The following SEC24C variants were observed in gnomAD, a reference collection of about 807,000 sequenced individuals.
The protein encoded by SEC24C is SEC24 homolog C, COPII component.
A neutral mutation model predicts 117.0 loss-of-function variants in SEC24C; 22 were observed. The ratio of observed to expected loss-of-function variants is 0.19; its 90% CI spans 0.13 to 0.27. The LOEUF (loss-of-function observed/expected upper bound fraction) is 0.27, where lower values mean the gene tolerates loss of function less well. Among genes scored for constraint, SEC24C ranks in the 10% least tolerant of loss-of-function variants. SEC24C has a pLI of 1.00. For synonymous variants in SEC24C, 506 were observed against 529.4 expected, an observed-to-expected ratio of 0.96 and a Z score of 0.61; for missense variants, 1,155 against 1,375.1, an observed-to-expected ratio of 0.84 and a Z score of 2.53.
chr10:73,755,862 T>G (rs186493202), intron 3 of SEC24C, among the ~76,000 whole-genome samples: 26 of 151,916 alleles, frequency 1.7e-4, no homozygotes, highest in Non-Finnish European at 3.4e-4. Flanking sequence ...AATCTTTTTT[T>G]TTTTTTAAAT....
In SEC24C at chr10:73,769,084, G is replaced by A; in HGVS notation, c.2356G>A (p.Asp786Asn). ...TDVELAGLDG[D>N]KTVTVEFKHD... ...TGTGGAGCTGGCTGGGCTAGATGGG[G>A]ACAAAACAGTGACTGTGGAGTTCAA... Residue 786 changes from aspartate (D) to asparagine (N), a missense_variant, in exon 17 of 23, where the codon GAC becomes AAC. Asp to Asn is a conservative substitution (Grantham distance 23). Around this residue, in one of 2 missense-constraint regions of SEC24C, gnomAD observed 759 missense variants for 992.3 expected, o/e 0.76. Coordinates refer to ENST00000345254, the MANE Select transcript of SEC24C (RefSeq NM_198597.3). The surrounding 1 kb of genome is among the most constrained non-coding windows in gnomAD (Gnocchi z 4.5). 6.2e-7 allele frequency: 1 copy of A among 1,614,218 alleles called. No homozygotes were observed. The highest frequency in any genetic ancestry group is 8.5e-7 in the Non-Finnish European group (1 of 1,180,032).
At chr10:73,746,416 G>C (rs2082554488) in intron 1 of SEC24C, among the ~76,000 whole-genome samples, 1 of 152,214 alleles carries the variant, frequency 6.6e-6, no homozygotes, top group Admixed American at 6.5e-5. Flanking sequence ...GGATGCTAGA[G>C]TGAATGAATG....
At chr10:73,770,863 G>T (rs2082969263) in intron 22 of SEC24C, 65 bp downstream of exon 22, 2 of 1,612,648 alleles carry the variant, frequency 1.2e-6, no homozygotes, top group African/African-American at 2.7e-5. Flanking sequence ...TGGGGGTTGG[G>T]TGGGGAATGA....
In SEC24C at chr10:73,766,868, T is replaced by C. The variant is rs764906282; in HGVS notation, c.1893+15T>C. 1 of 1,605,138 alleles carries C rather than the reference T, an allele frequency of 6.2e-7. No homozygotes were observed. Among genetic ancestry groups the C allele is most frequent in the Non-Finnish European group, 8.5e-7 (1 of 1,171,818 alleles). ...AGGCTCTGAAGGTAAGGCTGGAGTATCGGGCAACCTCCTCTAACTCCATTT... is the reference window on the plus strand; with the variant it reads ...AGGCTCTGAAGGTAAGGCTGGAGTACCGGGCAACCTCCTCTAACTCCATTT... On this transcript the variant is annotated intron_variant, in intron 13 of 22. Coordinates refer to ENST00000345254, the MANE Select transcript of SEC24C (RefSeq NM_198597.3).
rs769821595 is a variant in SEC24C at position 73,766,435 on chromosome 10, T to C, written c.1693T>C (p.Leu565=). Residue 565 remains leucine, a synonymous_variant, in exon 12 of 23, where the codon TTG becomes CTG. Transcript: ENST00000345254. ...CCACTTCTATAATGTGAAGAGCTCATTGGCCCAGCCACAGATGATGGTTGT... is the reference window on the plus strand; with the variant it reads ...CCACTTCTATAATGTGAAGAGCTCACTGGCCCAGCCACAGATGATGGTTGT... ...VLHFYNVKSS[L]AQPQMMVVSD... is the part of the protein sequence containing the mutation. The C allele has an allele frequency of 1.2e-5, 19 of 1,614,104 alleles. No homozygotes were observed. The highest frequency in any genetic ancestry group is 8.8e-5 in the South Asian group (8 of 91,088).
intron 3 of SEC24C, among the ~76,000 whole-genome samples, chr10:73,754,325 G>T (rs1041600352): frequency 2.0e-5 from 3 of 152,124 alleles, no homozygotes; most frequent in Non-Finnish European, 2.9e-5. Flanking sequence ...TGAGGCAGGA[G>T]AATCGCTTGA....
In SEC24C at chr10:73,770,705, C is replaced by G; in HGVS notation, c.3055-4C>G. On this transcript the variant is annotated splice_polypyrimidine_tract_variant and splice_region_variant and intron_variant, in intron 21 of 22. Coordinates refer to ENST00000345254, the MANE Select transcript of SEC24C (RefSeq NM_198597.3). ...CATAAGGATAAATGAATTTTGTGTT[C>G]TAGAGTGTTCTGCCAGTTCTGGATA... is the stretch of plus-strand genomic sequence containing the variant. 2 of 1,613,964 alleles carry G rather than the reference C, an allele frequency of 1.2e-6. No homozygotes were observed. The highest frequency in any genetic ancestry group is 2.2e-5 in the East Asian group (1 of 44,876).
intron 10 of SEC24C, 58 bp from the exon 11 acceptor site, chr10:73,766,027 CT>C (rs2082877285): frequency 6.2e-7 from 1 of 1,601,986 alleles, no homozygotes. Context: ...GCTGACTTCT[CT>C]ATAGTCAACT....
chr10:73,764,882 G>A (rs11593883), intron 8 of SEC24C, among the ~76,000 whole-genome samples: 8 of 152,176 alleles, frequency 5.3e-5, no homozygotes, highest in African/African-American at 9.7e-5. Context: ...CAAAGGCTCA[G>A]TTTATATTCT....
At position 73,770,002 on chromosome 10, in the gene SEC24C, G is replaced by A. The variant is rs575161818; in HGVS notation, c.2849G>A (p.Arg950Gln). The A allele has an allele frequency of 5.6e-6, 9 of 1,614,026 alleles. No individual in the cohort carries two copies. The highest frequency in any genetic ancestry group is 2.2e-5 in the East Asian group (1 of 44,882). ...VTETNVFFYP[R>Q]LLPLTKSPVE... is the part of the protein sequence containing the mutation. Reference sequence around the variant, plus strand: ...GAGACCAATGTCTTCTTCTACCCTCGGCTCTTACCTTTGGTGCGATTGAGG... The same window carrying A: ...GAGACCAATGTCTTCTTCTACCCTCAGCTCTTACCTTTGGTGCGATTGAGG... Residue 950 changes from arginine (R) to glutamine (Q), a missense_variant, in exon 20 of 23, where the codon CGG becomes CAG. Transcript: ENST00000345254.
At position 73,770,029 on chromosome 10, in the gene SEC24C, T is replaced by C. The variant is rs1442848428; in HGVS notation, c.2862+14T>C. On this transcript the variant is annotated intron_variant, in intron 20 of 22. Transcript: ENST00000345254. Reference sequence around the variant, plus strand: ...CTCTTACCTTTGGTGCGATTGAGGGTTGGAGTATGAGATCTTGCACGGAGC... The same window carrying C: ...CTCTTACCTTTGGTGCGATTGAGGGCTGGAGTATGAGATCTTGCACGGAGC... The C allele has an allele frequency of 6.2e-7, 1 of 1,613,186 alleles. No homozygotes were observed. The highest frequency in any genetic ancestry group is 8.5e-7 in the Non-Finnish European group (1 of 1,179,464).
chr10:73,768,068 G>T, intron 15 of SEC24C, 61 bp downstream of exon 15: 1 of 1,489,986 alleles, frequency 6.7e-7, no homozygotes, highest in Non-Finnish European at 9.2e-7. Flanking sequence ...GCTTATATAT[G>T]CAGTGGCTGA....
rs1422381401 is a variant in SEC24C, at chr10:73,766,844, G to A, written c.1884G>A (p.Glu628=). Residue 628 remains glutamate (E), a synonymous_variant, in exon 13 of 23, where the codon GAG becomes GAA. Coordinates refer to ENST00000345254, the MANE Select transcript of SEC24C (RefSeq NM_198597.3). ...TACCAGTTATCCAGGCTGGAATGGA[G>A]GCTCTGAAGGTAAGGCTGGAGTATC... ...VFVPVIQAGM[E]ALKAAECAGK... 3 of 1,613,996 alleles carry A rather than the reference G, an allele frequency of 1.9e-6. No individual in the cohort carries two copies. The South Asian group carries it at 3.3e-5, about 18-fold the overall frequency.
chr10:73,745,426 T>C (rs2082531860), intron 1 of SEC24C, among the ~76,000 whole-genome samples: 1 of 151,822 alleles, frequency 6.6e-6, no homozygotes, highest in Non-Finnish European at 1.5e-5. Context: ...TTTTTTTCCA[T>C]GAAATCTAAC....
chr10:73,766,590 C>T, intron 12 of SEC24C, 49 bp downstream of exon 12: 1 of 1,558,942 alleles, frequency 6.4e-7, no homozygotes, highest in Non-Finnish European at 8.7e-7. Context: ...ATGGGTACCA[C>T]CATAGAAGGT....
rs1430458715 is a variant in SEC24C, at chr10:73,769,182, A to C, written c.2424+30A>C. 1 of 1,611,962 alleles carries C rather than the reference A, an allele frequency of 6.2e-7. No individual in the cohort carries two copies. The highest frequency in any genetic ancestry group is 1.7e-5 in the Admixed American group (1 of 59,566). ...CAGGCGGGAGGCGGGGCTGGGCAGG[A>C]AGTGTTTCATTCGCTTGGTATAGAA... On this transcript the variant is annotated intron_variant, in intron 17 of 22. Coordinates refer to ENST00000345254, the MANE Select transcript of SEC24C (RefSeq NM_198597.3). The surrounding 1 kb of genome is among the most constrained non-coding windows in gnomAD (Gnocchi z 4.5).
chr10:73,761,025 T>C (rs553834833), intron 6 of SEC24C, among the ~76,000 whole-genome samples, 176 bp downstream of exon 6: 92 of 152,282 alleles, frequency 6.0e-4, no homozygotes, highest in Admixed American at 4.8e-3. Context: ...AGGAGTCTTT[T>C]GGGGGGCTGT....
At chr10:73,770,204 A>C (rs1388653760) in intron 20 of SEC24C, 76 bp from the exon 21 acceptor site, 2 of 1,448,366 alleles carry the variant, frequency 1.4e-6, no homozygotes, top group East Asian at 4.6e-5. Flanking sequence ...TAGCTTTCAA[A>C]ATTTTGTGTG....
rs1272769367 is a variant in SEC24C, at chr10:73,763,402, T to A, written c.988-88T>A. The A allele has an allele frequency of 5.9e-6, 5 of 846,126 alleles. No homozygotes were observed. The East Asian group carries it at 1.2e-4, about 21-fold the overall frequency. 52.4% of individuals were successfully genotyped at this position (846,126 alleles called of 1,614,324 possible). A position where few individuals can be genotyped will look rare whatever the true frequency, so the allele number is the denominator to read the frequency against. On this transcript the variant is annotated intron_variant, in intron 6 of 22. Coordinates refer to ENST00000345254, the MANE Select transcript of SEC24C (RefSeq NM_198597.3). ...CTTGGCAAATTTTTAGTTTTTGTGT[T>A]ACAGCTCTAGCCTTTTTCACTCTTG...
Sources: allele counts gnomAD v4.1 joint callset (sites outside exome capture counted in the v4.1 genomes callset), GRCh38; gene constraint gnomAD v4.1.1; regional missense constraint gnomAD v4.1.1; non-coding constraint Gnocchi (gnomAD v3.1); transcripts MANE v1.5; gene names NCBI Gene and HGNC (gene_info 2026-07-23, HGNC 2026-07-21).